Variants in SSC5D observed in about 807,000 individuals in gnomAD.
SSC5D encodes scavenger receptor cysteine rich family member with 5 domains, also known as soluble scavenger receptor cysteine-rich domain-containing protein SSC5D.
SSC5D carries 106 observed loss-of-function variants against 104.6 expected under a neutral mutation model. The ratio of observed to expected loss-of-function variants is 1.01; its 90% CI spans 0.87 to 1.19. The LOEUF is 1.19. Among genes scored for constraint, SSC5D ranks in the 50% most tolerant of loss-of-function variants. The pLI is 0.00. For synonymous variants in SSC5D, 860 were observed against 883.5 expected (o/e 0.97, Z 0.47); for missense variants, 1,993 against 2,153.8 (o/e 0.93, Z 1.48).
intron 6 of SSC5D, chr19:55,492,143 C>G (rs533593331): frequency 6.6e-6 from 1 of 152,494 alleles, no homozygotes; most frequent in South Asian, 2.1e-4. Flanking sequence ...TCATCCCTCT[C>G]TTCACAGATG....
In SSC5D at chr19:55,515,415, A is replaced by AAAAG. The variant is rs1555767622; in HGVS notation, c.2948-1807_2948-1806insAGAA. On this transcript the variant is annotated intron_variant, in intron 13 of 13. Transcript: ENST00000389623. ...CCGTCTCAAAAAAAAAAAAAAAAAA[A>AAAAG]AAGTTAAATGAATTAACACTTTGAA... 4.8e-3 allele frequency among the ~76,000 whole-genome samples: 692 copies of AAAAG among 143,830 alleles called. 20 individuals carry two copies. The highest frequency in any genetic ancestry group is 0.016 in the African/African-American group (597 of 37,674). 94.4% of individuals were successfully genotyped at this position (143,830 alleles called of 152,430 possible). A position where few individuals can be genotyped will look rare whatever the true frequency, so the allele number is the denominator to read the frequency against.
At chr19:55,493,541 CCCCGCTCATCCA>C in intron 6 of SSC5D, 42 bp from the exon 7 acceptor site, 1 of 1,376,894 alleles carries the variant, frequency 7.3e-7, no homozygotes, top group Non-Finnish European at 9.4e-7. Context: ...ATAGCTTAGT[CCCCGCTCATCCA>C]CCCTCGTTTC....
chr19:55,505,048 G>T (rs530663867), intron 12 of SSC5D, among the ~76,000 whole-genome samples: 1 of 151,078 alleles, frequency 6.6e-6, no homozygotes, highest in South Asian at 2.1e-4. Context: ...TAAAATAGAA[G>T]CACGAGTCTG....
chr19:55,491,032 G>A lies in SSC5D; in HGVS notation c.847G>A (p.Gly283Ser), dbSNP rs1599912014. Residue 283 changes from glycine to serine, a missense_variant, in exon 6 of 14, where the codon GGC becomes AGC. This residue lies in a region of SSC5D where 1,101 missense variants were observed against 1,085.0 expected (regional missense o/e 1.01). Transcript: ENST00000389623. The part of the protein sequence containing the change: ...ALRDCPRSPW[G>S]RSNCDHSEDA... The stretch of plus-strand genomic sequence containing the variant: ...CCGAGACTGCCCCCGAAGCCCCTGG[G>A]GCCGGAGCAACTGTGACCACAGCGA... 1.3e-6 allele frequency: 2 copies of A among 1,550,128 alleles called. No individual in the cohort carries two copies. Among genetic ancestry groups the A allele is most frequent in the East Asian group, 2.4e-5 (1 of 40,906 alleles).
chr19:55,506,549 T>C (rs1157195481), intron 12 of SSC5D, among the ~76,000 whole-genome samples: 1 of 151,702 alleles, frequency 6.6e-6, no homozygotes, highest in Non-Finnish European at 1.5e-5. Flanking sequence ...CGCCCACCAC[T>C]ATGCCCGGCT....
Position 55,493,715 on chromosome 19 carries a change from C to A in SSC5D, c.1016C>A (p.Ala339Asp). The A allele has an allele frequency of 6.6e-7, 1 of 1,517,358 alleles. No homozygotes were observed. 94.0% of individuals were successfully genotyped at this position (1,517,358 alleles called of 1,614,324 possible). ...GACGCCTGGGACCTGCGAGACGCCG[C>A]TGTGGCCTGCCGAGAGCTGGGCTGC... ...CDDAWDLRDA[A>D]VACRELGCGG... is the part of the protein sequence containing the mutation. Residue 339 changes from alanine to aspartate, a missense_variant, in exon 7 of 14, where the codon GCT (alanine) becomes GAT (aspartate). By Grantham distance (126) the Ala-to-Asp change is moderately radical. Coordinates refer to ENST00000389623, the MANE Select transcript of SSC5D (RefSeq NM_001144950.2).
At chr19:55,504,407 C>A in intron 12 of SSC5D, 2 of 1,195,076 alleles carry the variant, frequency 1.7e-6, no homozygotes, top group Non-Finnish European at 1.1e-6. Context: ...GAGTGGGAGA[C>A]GAGGCAGGCA....
Position 55,493,577 on chromosome 19 carries a change from C to T in SSC5D, c.896-18C>T, listed in dbSNP as rs1484538361. ...CACCCTCGTTTCCTGGCCCTGTGCT[C>T]CCTCTCCCACTATCCAGGCCCAGCA... is the stretch of plus-strand genomic sequence containing the variant. On this transcript the variant is annotated intron_variant, in intron 6 of 13. Coordinates refer to ENST00000389623, the MANE Select transcript of SSC5D (RefSeq NM_001144950.2). 1 of 1,417,282 alleles carries T rather than the reference C, an allele frequency of 7.1e-7. No homozygotes were observed. Among genetic ancestry groups the T allele is most frequent in the Middle Eastern group, 2.6e-4 (1 of 3,876 alleles). The allele number at this position is 1,417,282 out of a possible 1,614,324, so 87.8% of individuals were successfully genotyped here. A position where few individuals can be genotyped will look rare whatever the true frequency, so the allele number is the denominator to read the frequency against.
rs1260803429 is a variant in SSC5D at position 55,490,782 on chromosome 19, C to T, written c.597C>T (p.Arg199=). 3.3e-6 allele frequency: 5 copies of T among 1,537,052 alleles called. No homozygotes were observed. Among genetic ancestry groups the T allele is most frequent in the Non-Finnish European group, 4.4e-6 (5 of 1,142,668 alleles). ...TTGAPRQERL[R]LVSGPHRCAG... is the part of the protein sequence containing the mutation. ...CTGCTCACCCCACAGAGCGGCTGCG[C>T]CTGGTCTCTGGCCCCCACAGGTGCG... The change falls in exon 6 of 14, where the codon CGC becomes CGT. Residue 199 remains arginine, a synonymous_variant. Transcript: ENST00000389623.
At position 55,489,605 on chromosome 19, in the gene SSC5D, C is replaced by G. The variant is rs574900077; in HGVS notation, c.304C>G (p.Arg102Gly). 1.3e-6 allele frequency: 2 copies of G among 1,529,982 alleles called. No homozygotes were observed. The highest frequency in any genetic ancestry group is 8.7e-7 in the Non-Finnish European group (1 of 1,143,366). The allele number at this position is 1,529,982 out of a possible 1,614,324, so 94.8% of individuals were successfully genotyped here. ...NEGQLGLCHH[R>G]GWKAHICSHE... ...GGGGCAGCTGGGCCTCTGCCACCAC[C>G]GGGGCTGGAAGGCCCACATCTGCTC... is the stretch of plus-strand genomic sequence containing the variant. Residue 102 changes from arginine (R) to glycine (G), a missense_variant, in exon 3 of 14, where the codon CGG becomes GGG. This residue lies in a region of SSC5D where 1,101 missense variants were observed against 1,085.0 expected (regional missense o/e 1.01). Transcript: ENST00000389623.
At chr19:55,497,557 T>G (rs563315650) in intron 8 of SSC5D, among the ~76,000 whole-genome samples, 1 of 152,344 alleles carries the variant, frequency 6.6e-6, no homozygotes, top group South Asian at 2.1e-4. Context: ...ATTCACATAC[T>G]GGTATCTGTG....
Position 55,518,873 on chromosome 19 carries a change from C to T in SSC5D, c.4597C>T (p.Arg1533Trp), listed in dbSNP as rs749817093. The change falls in exon 14 of 14, where the codon CGG becomes TGG. Residue 1533 changes from arginine to tryptophan, a missense_variant. Around this residue, in one of 6 missense-constraint regions of SSC5D, gnomAD observed 349 missense variants for 397.6 expected, o/e 0.88. Coordinates refer to ENST00000389623, the MANE Select transcript of SSC5D (RefSeq NM_001144950.2). ...GCTGACGCAGCTGGTAGAAGCTGCC[C>T]GGGGTCTGGGGCAGCTGGGTGAGGC... ...LGLTQLVEAA[R>W]GLGQLGEAVK... The T allele has an allele frequency of 2.1e-5, 32 of 1,550,076 alleles. No homozygotes were observed. The highest frequency in any genetic ancestry group is 5.9e-5 in the Admixed American group (3 of 50,972).
Position 55,518,563 on chromosome 19 carries a change from C to G in SSC5D, c.4287C>G (p.His1429Gln), listed in dbSNP as rs1046905697. The change falls in exon 14 of 14, where the codon CAC (histidine) becomes CAG (glutamine). Residue 1429 changes from histidine (H) to glutamine (Q), a missense_variant. Transcript: ENST00000389623. The part of the protein sequence containing the change: ...NLTPPPTHTP[H>Q]SASDLTVSPD... ...CCCCTCCACCCACCCATACCCCACACTCAGCCTCTGACCTTACTGTGTCCC... is the reference window on the plus strand; with the variant it reads ...CCCCTCCACCCACCCATACCCCACAGTCAGCCTCTGACCTTACTGTGTCCC... The G allele has an allele frequency of 4.5e-6, 7 of 1,547,478 alleles. No individual in the cohort carries two copies. In the African/African-American group the frequency reaches 9.6e-5, roughly 21 times the overall value.
Position 55,513,141 on chromosome 19 carries a change from T to C in SSC5D, c.2916T>C (p.Ser972=). The change falls in exon 13 of 14, where the codon AGT becomes AGC. Residue 972 remains serine, a synonymous_variant. Coordinates refer to ENST00000389623, the MANE Select transcript of SSC5D (RefSeq NM_001144950.2). ...LGAGTTRSPG[S]PPTLRVHGDT... ...CTGGCACCACCAGGAGCCCAGGCAG[T>C]CCTCCAACTCTGAGAGTCCATGGAG... 6.5e-7 allele frequency: 1 copy of C among 1,529,066 alleles called. No individual in the cohort carries two copies. The highest frequency in any genetic ancestry group is 1.7e-4 in the Middle Eastern group (1 of 5,862). The allele number at this position is 1,529,066 out of a possible 1,614,324, so 94.7% of individuals were successfully genotyped here. A position where few individuals can be genotyped will look rare whatever the true frequency, so the allele number is the denominator to read the frequency against.
At chr19:55,499,602 G>A (rs966184463) in intron 9 of SSC5D, among the ~76,000 whole-genome samples, 3 of 152,182 alleles carry the variant, frequency 2.0e-5, no homozygotes, top group Non-Finnish European at 2.9e-5. Context: ...AAGAAGGCGG[G>A]GGCAGTGTCG....
chr19:55,489,543 C>T lies in SSC5D; in HGVS notation c.242C>T (p.Pro81Leu). ...GCCTTCTTCGGGGAGGGGGCAGGGC[C>T]TGTGTGGCTCAGCGAGCTGGCTTGC... ...GGAFFGEGAGPVWLSELACRG... is the reference protein window; with the variant it reads ...GGAFFGEGAGLVWLSELACRG... Residue 81 changes from proline to leucine, a missense_variant, in exon 3 of 14, where the codon CCT becomes CTT. Coordinates refer to ENST00000389623, the MANE Select transcript of SSC5D (RefSeq NM_001144950.2). The T allele has an allele frequency of 6.7e-7, 1 of 1,496,018 alleles. No homozygotes were observed. The highest frequency in any genetic ancestry group is 8.9e-7 in the Non-Finnish European group (1 of 1,127,222). 92.7% of individuals were successfully genotyped at this position (1,496,018 alleles called of 1,614,324 possible). A position where few individuals can be genotyped will look rare whatever the true frequency, so the allele number is the denominator to read the frequency against.
intron 9 of SSC5D, among the ~76,000 whole-genome samples, chr19:55,499,044 A>G (rs1450669954): frequency 1.3e-5 from 2 of 152,214 alleles, no homozygotes; most frequent in Admixed American, 1.3e-4. Context: ...CAACTAGGGA[A>G]GTTCCCCCAA....
At chr19:55,507,470 G>T (rs998891096) in intron 12 of SSC5D, among the ~76,000 whole-genome samples, 1 of 151,252 alleles carries the variant, frequency 6.6e-6, no homozygotes, top group Non-Finnish European at 1.5e-5. Flanking sequence ...TTCCAGACCA[G>T]CCTGGCCAAC....
intron 13 of SSC5D, among the ~76,000 whole-genome samples, chr19:55,513,450 C>T (rs1049707563): frequency 2.3e-4 from 35 of 152,110 alleles, no homozygotes; most frequent in African/African-American, 6.3e-4. Flanking sequence ...TGTGGTGGTA[C>T]GCACGTGTGG....
Sources: gnomAD v4.1 joint callset for allele counts (sites outside exome capture counted in the v4.1 genomes callset) on GRCh38, gnomAD v4.1.1 for gene constraint, gnomAD v4.1.1 regional missense constraint, MANE v1.5 for transcripts, NCBI Gene and HGNC (gene_info 2026-07-23, HGNC 2026-07-21) for gene names.